The following HERC1 variants were observed in gnomAD, a reference collection of about 807,000 sequenced individuals.
The protein encoded by HERC1 is probable E3 ubiquitin-protein ligase HERC1.
In HERC1, 160 loss-of-function variants were observed where a neutral mutation model predicts 554.3. The observed-to-expected ratio is 0.29, with a 90% CI of 0.25 to 0.33. The LOEUF is 0.33. Among genes scored for constraint, HERC1 ranks in the 10% least tolerant of loss-of-function variants. The pLI is 1.00. For synonymous variants in HERC1, 2,175 were observed against 2,131.7 expected (o/e 1.02, Z -0.56); for missense variants, 4,919 against 5,918.5 (o/e 0.83, Z 5.54).
At chr15:63,796,092 T>C (rs2076804814) in intron 1 of HERC1, among the ~76,000 whole-genome samples, 1 of 152,258 alleles carries the variant, frequency 6.6e-6, no homozygotes, top group Non-Finnish European at 1.5e-5. Context: ...CACAGGTCTT[T>C]AAATAAATTT....
At chr15:63,811,753 G>C (rs1244939392) in intron 1 of HERC1, among the ~76,000 whole-genome samples, 1 of 146,724 alleles carries the variant, frequency 6.8e-6, no homozygotes, top group Non-Finnish European at 1.5e-5. Flanking sequence ...AGCTTGCAGT[G>C]AGCCGAGATC....
In HERC1 at chr15:63,758,399, A is replaced by G. The variant is rs765170293; in HGVS notation, c.1027-30T>C. ...TAAAAATTTAAAATATGCAACAAAT[A>G]GTCAAGACAGTTTTAGTCTGGGCAT... On this transcript the variant is annotated intron_variant, in intron 3 of 77. Coordinates refer to ENST00000443617, the MANE Select transcript of HERC1 (RefSeq NM_003922.4). This position sits in a 1 kb window ranked among gnomAD's most constrained non-coding sequence, Gnocchi z 4.0. 1 of 1,511,994 alleles carries G rather than the reference A, an allele frequency of 6.6e-7. No homozygotes were observed. Among genetic ancestry groups the G allele is most frequent in the East Asian group, 2.3e-5 (1 of 42,700 alleles). 93.7% of individuals were successfully genotyped at this position (1,511,994 alleles called of 1,614,324 possible).
At chr15:63,616,027 A>AT in intron 75 of HERC1, 107 bp from the exon 76 acceptor site, 2 of 985,496 alleles carry the variant, frequency 2.0e-6, no homozygotes, top group Non-Finnish European at 3.0e-6. Flanking sequence ...ATTTTTAAGG[A>AT]TAAAAACAAG....
At chr15:63,768,851 T>C (rs2075864471) in intron 2 of HERC1, among the ~76,000 whole-genome samples, 1 of 152,226 alleles carries the variant, frequency 6.6e-6, no homozygotes, top group Admixed American at 6.5e-5. Flanking sequence ...TGAAATTATG[T>C]GTAAAACATG....
At position 63,718,083 on chromosome 15, in the gene HERC1, G is replaced by GACACACAC. The variant is rs34069674; in HGVS notation, c.3978+483_3978+490dup. On this transcript the variant is annotated intron_variant, in intron 21 of 77. Coordinates refer to ENST00000443617, the MANE Select transcript of HERC1 (RefSeq NM_003922.4). This position sits in a 1 kb window ranked among gnomAD's most constrained non-coding sequence, Gnocchi z 4.2. ...AGTATTTTTAAGGCAGCTATTATGT[G>GACACACAC]ACACACACACACACACACACACACA... Among the ~76,000 whole-genome samples the GACACACAC allele has an allele frequency of 2.5e-3, 186 of 75,642 alleles. No homozygotes were observed. The highest frequency in any genetic ancestry group is 0.016 in the Middle Eastern group (2 of 126). The allele number at this position is 75,642 out of a possible 152,430, so 49.6% of individuals were successfully genotyped here.
intron 1 of HERC1, among the ~76,000 whole-genome samples, chr15:63,804,009 A>C (rs180908875): frequency 6.6e-6 from 1 of 152,220 alleles, no homozygotes; most frequent in South Asian, 2.1e-4. Context: ...ATGCTTATCT[A>C]AAGTGTCAAG....
At chr15:63,829,561 G>GTATATATATATATATATATA (rs60037018) in intron 1 of HERC1, among the ~76,000 whole-genome samples, 1 of 81,762 alleles carries the variant, frequency 1.2e-5, no homozygotes, top group African/African-American at 5.2e-5. Context: ...GTGTGTGTGT[G>GTATATATATATATATATATA]TATATATATA....
In HERC1 at chr15:63,695,233, C is replaced by T. The variant is rs1041097368; in HGVS notation, c.5122-339G>A. ...TGTATTTTCTGTAGAGACAGGGTTT[C>T]GCCATATTGTCCAGGCGGGTTTTAA... is the stretch of plus-strand genomic sequence containing the variant. On this transcript the variant is annotated intron_variant, in intron 27 of 77. Transcript: ENST00000443617. Among the ~76,000 whole-genome samples the T allele has an allele frequency of 2.6e-5, 4 of 151,972 alleles. No homozygotes were observed. The South Asian group carries it at 6.2e-4, about 24-fold the overall frequency.
At chr15:63,661,283 T>C (rs2070344159) in intron 45 of HERC1, among the ~76,000 whole-genome samples, 1 of 152,210 alleles carries the variant, frequency 6.6e-6, no homozygotes, top group African/African-American at 2.4e-5. Flanking sequence ...CCAAATTCTA[T>C]TCCATAAAGC....
At chr15:63,724,889 GGAA>G (rs1482514181) in intron 18 of HERC1, among the ~76,000 whole-genome samples, 3 of 152,156 alleles carry the variant, frequency 2.0e-5, no homozygotes, top group African/African-American at 7.2e-5. Context: ...CAGGCTGGGA[GGAA>G]AAGAGGCTGC....
At chr15:63,673,368 C>G (rs962713764) in intron 38 of HERC1, among the ~76,000 whole-genome samples, 1 of 151,240 alleles carries the variant, frequency 6.6e-6, no homozygotes, top group East Asian at 1.9e-4. Flanking sequence ...CACCATGTAC[C>G]TCTCTCTCTC....
rs557439222 is a variant in HERC1, at chr15:63,667,446, T to C, written c.8207-974A>G. Among the ~76,000 whole-genome samples, 4 of 152,028 alleles carry C rather than the reference T, an allele frequency of 2.6e-5. No individual in the cohort carries two copies. In the East Asian group the frequency reaches 7.7e-4, roughly 29 times the overall value. On this transcript the variant is annotated intron_variant, in intron 40 of 77. Coordinates refer to ENST00000443617, the MANE Select transcript of HERC1 (RefSeq NM_003922.4). ...AAAAAACAAATCAAATGTCTACTGATGAAAACTATAGTGTCTGAATAGAAA... is the reference window on the plus strand; with the variant it reads ...AAAAAACAAATCAAATGTCTACTGACGAAAACTATAGTGTCTGAATAGAAA...
At chr15:63,700,034 T>C (rs974322893) in intron 25 of HERC1, among the ~76,000 whole-genome samples, 27 of 152,146 alleles carry the variant, frequency 1.8e-4, no homozygotes, top group African/African-American at 5.1e-4. Flanking sequence ...AACTTCTATC[T>C]ATTTGCTCCT....
intron 1 of HERC1, among the ~76,000 whole-genome samples, chr15:63,781,450 A>G (rs778934173): frequency 6.6e-6 from 1 of 152,186 alleles, no homozygotes; most frequent in Non-Finnish European, 1.5e-5. Context: ...TGTTATGGTA[A>G]CCTGTAATCA....
chr15:63,702,806 T>C (rs958773965), intron 25 of HERC1, among the ~76,000 whole-genome samples: 1 of 152,174 alleles, frequency 6.6e-6, no homozygotes, highest in Middle Eastern at 3.2e-3. Flanking sequence ...TCCACCTCTT[T>C]TAGAAGTAAA....
At position 63,615,869 on chromosome 15, in the gene HERC1, G is replaced by C. The variant is rs1297887346; in HGVS notation, c.13993C>G (p.Pro4665Ala). 1.2e-6 allele frequency: 2 copies of C among 1,605,890 alleles called. No homozygotes were observed. The highest frequency in any genetic ancestry group is 2.2e-5 in the East Asian group (1 of 44,462). Residue 4665 changes from proline (P) to alanine (A), a missense_variant, in exon 76 of 78, where the codon CCT (proline) becomes GCT (alanine). Pro to Ala is a conservative substitution (Grantham distance 27). Transcript: ENST00000443617. ...VGQSADGKMV[P>A]IIPGGNSIPL... ...ATACTATTTCCACCAGGGATTATAG[G>C]AACCATTTTGCCATCAGCACTCTGG...
chr15:63,741,574 T>C (rs996894624), intron 12 of HERC1, among the ~76,000 whole-genome samples: 1 of 152,248 alleles, frequency 6.6e-6, no homozygotes, highest in Non-Finnish European at 1.5e-5. Flanking sequence ...TCCAAAGTGC[T>C]GGGATTACAG....
rs1031764727 is a variant in HERC1 at position 63,674,428 on chromosome 15, G to C, written c.7760C>G (p.Ala2587Gly). The change falls in exon 38 of 78, where the codon GCT (alanine) becomes GGT (glycine). Residue 2587 changes from alanine to glycine, a missense_variant. Around this residue, in one of 11 missense-constraint regions of HERC1, gnomAD observed 1,963 missense variants for 2,228.6 expected, o/e 0.88. Coordinates refer to ENST00000443617, the MANE Select transcript of HERC1 (RefSeq NM_003922.4). ...RSPIKRALGL[A>G]DLERAQAMIY... ...CATGGCTTGCGCTCGTTCCAGATCA[G>C]CTAATCCCAATGCTCTCTTTATGGG... 1.9e-6 allele frequency: 3 copies of C among 1,613,840 alleles called. No individual in the cohort carries two copies. Among genetic ancestry groups the C allele is most frequent in the Non-Finnish European group, 2.5e-6 (3 of 1,179,868 alleles).
chr15:63,795,794 G>T (rs899222998), intron 1 of HERC1, among the ~76,000 whole-genome samples: 47 of 152,190 alleles, frequency 3.1e-4, no homozygotes, highest in Non-Finnish European at 1.0e-4. Context: ...AGTTTCCACT[G>T]GCTGGAACGG....
Sources: allele counts gnomAD v4.1 joint callset (sites outside exome capture counted in the v4.1 genomes callset), GRCh38; gene constraint gnomAD v4.1.1; regional missense constraint gnomAD v4.1.1; non-coding constraint Gnocchi (gnomAD v3.1); transcripts MANE v1.5; gene names NCBI Gene and HGNC (gene_info 2026-07-23, HGNC 2026-07-21).